Variants in PTPRM observed in about 807,000 individuals in gnomAD.
PTPRM encodes the protein receptor-type tyrosine-protein phosphatase mu.
Under a neutral mutation model 186.7 loss-of-function variants are expected in PTPRM, and 47 were observed. The observed-to-expected ratio is 0.25, with a 90% confidence interval of 0.20 to 0.32. The LOEUF (loss-of-function observed/expected upper bound fraction) is 0.32. PTPRM is among the 10% of genes least tolerant of loss of function. The pLI, the probability that PTPRM is intolerant of heterozygous loss-of-function variation, is 1.00. For synonymous variants in PTPRM, 668 were observed against 674.9 expected (o/e 0.99, Z 0.16); for missense variants, 1,494 against 1,865.0 (o/e 0.80, Z 3.66).
chr18:8,312,403 A>G (rs1313482327), intron 20 of PTPRM, among the ~76,000 whole-genome samples: 1 of 152,150 alleles, frequency 6.6e-6, no homozygotes, highest in Admixed American at 6.6e-5. Flanking sequence ...CCATGAGGAA[A>G]CATTCTGACT....
intron 1 of PTPRM, among the ~76,000 whole-genome samples, chr18:7,721,691 T>C (rs948333137): frequency 6.6e-6 from 1 of 152,190 alleles, no homozygotes; most frequent in Admixed American, 6.5e-5. Flanking sequence ...CAGTACCGTT[T>C]GTTGAAAAGA....
intron 23 of PTPRM, among the ~76,000 whole-genome samples, chr18:8,354,422 C>T (rs11877672): frequency 0.28 from 41,839 of 151,760 alleles, 6,460 homozygotes; most frequent in Middle Eastern, 0.5. Context: ...ATCATGAGAA[C>T]GAAGAGAAGA....
At chr18:8,025,894 A>T (rs1156763666) in intron 7 of PTPRM, among the ~76,000 whole-genome samples, 1 of 152,174 alleles carries the variant, frequency 6.6e-6, no homozygotes, top group African/African-American at 2.4e-5. Flanking sequence ...AACTTCAGTT[A>T]TGTGTGCTGC....
chr18:8,253,284 A>G lies in PTPRM; in HGVS notation c.2624A>G (p.Lys875Arg), dbSNP rs1435098725. 1.9e-6 allele frequency: 3 copies of G among 1,594,662 alleles called. No homozygotes were observed. The highest frequency in any genetic ancestry group is 1.4e-5 in the African/African-American group (1 of 73,844). The change falls in exon 19 of 33, where the codon AAG (lysine) becomes AGG (arginine). Residue 875 changes from lysine to arginine, a missense_variant. Transcript: ENST00000580170. ...AGCCTGGTGCAGTCCCATACTTACA[A>G]GAAGCGAGAGCCGGCCGACGTGCCC... ...TSSLVQSHTYKKREPADVPYQ... is the reference protein window; with the variant it reads ...TSSLVQSHTYRKREPADVPYQ...
intron 5 of PTPRM, among the ~76,000 whole-genome samples, chr18:7,939,870 C>T (rs1237400877): frequency 6.6e-6 from 1 of 152,120 alleles, no homozygotes; most frequent in Admixed American, 6.6e-5. Flanking sequence ...GACGGGGCTG[C>T]CTGTTTCTTA....
chr18:7,760,178 A>G (rs1460940213), intron 1 of PTPRM, among the ~76,000 whole-genome samples: 9 of 152,114 alleles, frequency 5.9e-5, no homozygotes, highest in Admixed American at 2.6e-4. Context: ...TCTTGCTTGT[A>G]TATTTAACAT....
intron 23 of PTPRM, among the ~76,000 whole-genome samples, chr18:8,351,949 C>A (rs1348388471): frequency 2.0e-5 from 3 of 152,190 alleles, no homozygotes; most frequent in African/African-American, 7.2e-5. Context: ...TGCCTGAAAA[C>A]CTCAGTTCCC....
intron 22 of PTPRM, among the ~76,000 whole-genome samples, chr18:8,341,279 A>G (rs1446958699): frequency 1.3e-5 from 2 of 152,222 alleles, no homozygotes; most frequent in Non-Finnish European, 2.9e-5. Context: ...TAACACTGTC[A>G]TAATAATATG....
intron 14 of PTPRM, among the ~76,000 whole-genome samples, chr18:8,234,718 G>A (rs573856029): frequency 2.9e-4 from 41 of 141,354 alleles, no homozygotes; most frequent in African/African-American, 8.1e-4. Flanking sequence ...TAGCTATAGC[G>A]TTTTAGTAGA....
intron 7 of PTPRM, among the ~76,000 whole-genome samples, chr18:7,994,410 A>G (rs1484028508): frequency 6.6e-6 from 1 of 152,114 alleles, no homozygotes; most frequent in Admixed American, 6.6e-5. Flanking sequence ...TTGCAGCATT[A>G]GATAGATAAC....
rs182361487 is a variant in PTPRM, at chr18:8,106,473, G to A, written c.1857-7013G>A. Among the ~76,000 whole-genome samples the A allele has an allele frequency of 3.3e-5, 5 of 152,272 alleles. No individual in the cohort carries two copies. The East Asian group carries it at 7.7e-4, about 24-fold the overall frequency. ...AGTAGATGCTAGAAGAGATTTTAACGTAGAGATTGACACATCCCTGGGTCC... is the reference window on the plus strand; with the variant it reads ...AGTAGATGCTAGAAGAGATTTTAACATAGAGATTGACACATCCCTGGGTCC... On this transcript the variant is annotated intron_variant, in intron 11 of 32. Transcript: ENST00000580170.
chr18:8,203,921 A>G (rs913997000), intron 14 of PTPRM, among the ~76,000 whole-genome samples: 25 of 152,174 alleles, frequency 1.6e-4, no homozygotes, highest in Admixed American at 1.5e-3. Flanking sequence ...AAGCCCACCT[A>G]AGTCCTTCCC....
chr18:7,901,958 T>G (rs1034414889), intron 3 of PTPRM, among the ~76,000 whole-genome samples: 1 of 152,218 alleles, frequency 6.6e-6, no homozygotes, highest in Non-Finnish European at 1.5e-5. Context: ...TAGAAAATGG[T>G]TTTAATAAAC....
chr18:7,752,686 G>A (rs758364714), intron 1 of PTPRM, among the ~76,000 whole-genome samples: 15 of 151,832 alleles, frequency 9.9e-5, no homozygotes, highest in Admixed American at 2.6e-4. Context: ...CAGGTGATCC[G>A]CCTACCTCGG....
At chr18:8,328,766 A>G (rs888772628) in intron 22 of PTPRM, among the ~76,000 whole-genome samples, 2 of 152,220 alleles carry the variant, frequency 1.3e-5, no homozygotes, top group Non-Finnish European at 2.9e-5. Context: ...CTGTGGTTTT[A>G]CAAGAGAGAA....
chr18:7,853,084 A>G (rs911142473), intron 2 of PTPRM, among the ~76,000 whole-genome samples: 1 of 152,188 alleles, frequency 6.6e-6, no homozygotes, highest in Non-Finnish European at 1.5e-5. Flanking sequence ...TGTAAAAGAC[A>G]TCATGTTGCC....
chr18:7,820,749 C>T (rs1042215282), intron 2 of PTPRM, among the ~76,000 whole-genome samples: 7 of 152,328 alleles, frequency 4.6e-5, no homozygotes, highest in South Asian at 2.1e-4. Flanking sequence ...CCGGAAAGCA[C>T]CACGGTGGCC....
intron 1 of PTPRM, among the ~76,000 whole-genome samples, chr18:7,695,220 G>C (rs530321170): frequency 6.6e-6 from 1 of 152,162 alleles, no homozygotes; most frequent in South Asian, 2.1e-4. Flanking sequence ...CCTACAAACC[G>C]GAAAGGAGTC....
At chr18:8,078,239 T>C (rs1464204869) in intron 9 of PTPRM, among the ~76,000 whole-genome samples, 1 of 152,184 alleles carries the variant, frequency 6.6e-6, no homozygotes, top group East Asian at 1.9e-4. Flanking sequence ...GGAGGAGCTC[T>C]TCTTGAGCTG....
Sources: allele counts gnomAD v4.1 joint callset (sites outside exome capture counted in the v4.1 genomes callset), GRCh38; gene constraint gnomAD v4.1.1; transcripts MANE v1.5; gene names NCBI Gene and HGNC (gene_info 2026-07-23, HGNC 2026-07-21).